SGCD: variants seen among roughly 807,000 people sequenced by gnomAD.
SGCD encodes sarcoglycan delta.
SGCD carries 18 observed loss-of-function variants against 36.6 expected under a neutral mutation model. That is an observed-to-expected ratio of 0.49 (90% CI 0.34 to 0.73). The LOEUF (loss-of-function observed/expected upper bound fraction) is 0.73. Ranked by LOEUF, SGCD falls within the 30% of genes least tolerant of loss-of-function variation. SGCD has a pLI of 0.01. For missense variants in SGCD, 387 were observed against 346.7 expected, an observed-to-expected ratio of 1.12 and a Z score of -0.92; for synonymous variants, 133 against 130.6, an observed-to-expected ratio of 1.02 and a Z score of -0.12.
chr5:156,093,859 T>C (rs1761309241), intron 1 of SGCD, among the ~76,000 whole-genome samples: 1 of 152,216 alleles, frequency 6.6e-6, no homozygotes, highest in African/African-American at 2.4e-5. Flanking sequence ...GGATCCTCTT[T>C]ATAAGGTGGG....
At chr5:156,270,467 T>A (rs962257408) in intron 3 of SGCD, among the ~76,000 whole-genome samples, 1 of 152,178 alleles carries the variant, frequency 6.6e-6, no homozygotes, top group African/African-American at 2.4e-5. Flanking sequence ...TTATTAAAGA[T>A]AATTAAAATA....
At chr5:156,647,338 GA>G in intron 6 of SGCD, 125 bp from the exon 7 acceptor site, 1 of 587,848 alleles carries the variant, frequency 1.7e-6, no homozygotes, top group Non-Finnish European at 3.0e-6. Flanking sequence ...AAAGCCAGTG[GA>G]AAAATATGTG....
chr5:156,359,768 A>T (rs1166892331), intron 3 of SGCD, among the ~76,000 whole-genome samples: 1 of 152,244 alleles, frequency 6.6e-6, no homozygotes, highest in African/African-American at 2.4e-5. Context: ...ACATATGAAG[A>T]TGAATACTTA....
intron 1 of SGCD, among the ~76,000 whole-genome samples, chr5:155,908,288 G>A (rs2113351281): frequency 6.6e-6 from 1 of 152,174 alleles, no homozygotes; most frequent in Middle Eastern, 3.4e-3. Flanking sequence ...CCAAATCTTA[G>A]TGTATGCTTG....
chr5:155,754,842 C>A, the SGCD span, among the ~76,000 whole-genome samples: 1 of 152,110 alleles, frequency 6.6e-6, no homozygotes, highest in Non-Finnish European at 1.5e-5. Context: ...TGATGATTTA[C>A]ACATTCGTAA....
In SGCD at chr5:156,024,811, A is replaced by T. The variant is rs140270077; in HGVS notation, c.-281-93067A>T. Among the ~76,000 whole-genome samples the T allele has an allele frequency of 2.2e-3, 340 of 152,184 alleles. 4 individuals carry two copies. The highest frequency in any genetic ancestry group is 6.8e-3 in the Middle Eastern group (2 of 294). ...CGTTTCTACTAAAATACAAAAAATT[A>T]GCCGGGCATGGTGGCGTGTGCCTGT... On this transcript the variant is annotated intron_variant, in intron 1 of 9. Coordinates refer to the SGCD transcript ENST00000517913.
chr5:156,020,807 CTTGGACT>C (rs959250041), intron 1 of SGCD, among the ~76,000 whole-genome samples: 2 of 152,082 alleles, frequency 1.3e-5, no homozygotes, highest in African/African-American at 4.8e-5. Flanking sequence ...ATAACAACCC[CTTGGACT>C]TTGGATTATT....
intron 1 of SGCD, among the ~76,000 whole-genome samples, chr5:155,923,658 A>T (rs1756935241): frequency 6.6e-6 from 1 of 152,236 alleles, no homozygotes; most frequent in Non-Finnish European, 1.5e-5. Flanking sequence ...AGAGTTACAG[A>T]GAAGCAAGAA....
upstream of SGCD, among the ~76,000 whole-genome samples, chr5:155,870,037 C>T (rs949842670): frequency 4.6e-5 from 7 of 152,056 alleles, no homozygotes; most frequent in Admixed American, 4.6e-4. Flanking sequence ...AAAAGGGAAC[C>T]GTCTTGCATG....
the SGCD span, among the ~76,000 whole-genome samples, chr5:155,799,048 G>A: frequency 6.6e-6 from 1 of 152,118 alleles, no homozygotes; most frequent in African/African-American, 2.4e-5. Flanking sequence ...TGGTGAACAA[G>A]GCATCATTGC....
chr5:155,979,113 A>G (rs552940088), intron 1 of SGCD, among the ~76,000 whole-genome samples: 1 of 152,342 alleles, frequency 6.6e-6, no homozygotes, highest in Admixed American at 6.5e-5. Flanking sequence ...TTGTGATTCC[A>G]GACTCTCCCA....
chr5:156,018,695 A>G (rs1237661893), intron 1 of SGCD, among the ~76,000 whole-genome samples: 1 of 152,200 alleles, frequency 6.6e-6, no homozygotes, highest in African/African-American at 2.4e-5. Flanking sequence ...TATCAGAAAC[A>G]AACACCTCCT....
At chr5:156,453,562 C>T (rs1416743041) in intron 3 of SGCD, among the ~76,000 whole-genome samples, 3 of 152,094 alleles carry the variant, frequency 2.0e-5, no homozygotes, top group African/African-American at 7.2e-5. Flanking sequence ...TGGTTTTGCT[C>T]TCTGAGGGGA....
At chr5:156,150,520 T>C (rs1762808210) in intron 3 of SGCD, among the ~76,000 whole-genome samples, 1 of 151,692 alleles carries the variant, frequency 6.6e-6, no homozygotes, top group Non-Finnish European at 1.5e-5. Context: ...TTGGGTTTGT[T>C]TGATGGTGTA....
chr5:155,939,512 C>A (rs1054408529), intron 1 of SGCD, among the ~76,000 whole-genome samples: 1 of 151,448 alleles, frequency 6.6e-6, no homozygotes, highest in Admixed American at 6.6e-5. Flanking sequence ...GGTGTGGTGA[C>A]ATGTGCCTGT....
the SGCD span, among the ~76,000 whole-genome samples, chr5:155,768,840 C>T: frequency 2.7e-3 from 409 of 152,190 alleles, 1 homozygote; most frequent in African/African-American, 8.6e-3. Context: ...GGTATGTCCT[C>T]GATGTCCTTT....
intron 1 of SGCD, among the ~76,000 whole-genome samples, chr5:155,881,000 A>G (rs552633475): frequency 6.6e-6 from 1 of 152,226 alleles, no homozygotes; most frequent in African/African-American, 2.4e-5. Flanking sequence ...TGTGAGATTT[A>G]AAAAATGTGG....
intron 1 of SGCD, among the ~76,000 whole-genome samples, chr5:156,074,136 A>G (rs1760689977): frequency 1.3e-5 from 2 of 152,230 alleles, no homozygotes; most frequent in Admixed American, 1.3e-4. Flanking sequence ...ATGTTTACTT[A>G]TTTATTATAT....
chr5:156,679,288 C>A (rs1406295573), intron 7 of SGCD, among the ~76,000 whole-genome samples: 9 of 152,174 alleles, frequency 5.9e-5, no homozygotes, highest in Non-Finnish European at 8.8e-5. Flanking sequence ...CACCACTAGA[C>A]CATATATTAC....
Sources: gnomAD v4.1 joint callset for allele counts (sites outside exome capture counted in the v4.1 genomes callset) on GRCh38, gnomAD v4.1.1 for gene constraint, MANE v1.5 for transcripts, NCBI Gene and HGNC (gene_info 2026-07-23, HGNC 2026-07-21) for gene names.